GPM6B: variants seen among roughly 807,000 people sequenced by gnomAD.
GPM6B encodes neuronal membrane glycoprotein M6-b.
In GPM6B, 4 loss-of-function variants were observed where a neutral mutation model predicts 27.2. The ratio of observed to expected loss-of-function variants is 0.15; its 90% confidence interval spans 0.07 to 0.34. The LOEUF is 0.34. GPM6B is among the 10% of genes least tolerant of loss of function. GPM6B has a pLI of 1.00. For synonymous variants in GPM6B, 124 were observed against 103.1 expected (o/e 1.20, Z -1.23); for missense variants, 183 against 261.9 (o/e 0.70, Z 2.08).
intron 1 of GPM6B, among the ~76,000 whole-genome samples, chrX:13,926,213 C>T (rs1004028097): frequency 9.3e-6 from 1 of 107,361 alleles, no homozygotes; most frequent in Non-Finnish European, 1.9e-5. Flanking sequence ...ACCATCCTGG[C>T]TAACGCGGTG....
rs76875109 is a variant in GPM6B at position 13,801,038 on chromosome X, TA to T, written c.181+6611del. On this transcript the variant is annotated intron_variant, in intron 2 of 7. Transcript: ENST00000316715. ...ATTCAGGGCATTGGAACCTCATACTTAAAAAAAAAAAAAAAGAAAGAAATGA... is the reference window on the plus strand; with the variant it reads ...ATTCAGGGCATTGGAACCTCATACTTAAAAAAAAAAAAAAGAAAGAAATGA... 3.2e-3 allele frequency among the ~76,000 whole-genome samples: 297 copies of T among 93,840 alleles called. 2 individuals are homozygous for T. Among genetic ancestry groups the T allele is most frequent in the Middle Eastern group, 0.01 (2 of 193 alleles). 81.5% of individuals were successfully genotyped at this position (93,840 alleles called of 115,157 possible).
At chrX:13,838,714 G>A (rs1603066531) in intron 1 of GPM6B, among the ~76,000 whole-genome samples, 1 of 111,666 alleles carries the variant, frequency 9.0e-6, no homozygotes, top group Non-Finnish European at 1.9e-5. Flanking sequence ...GGGAGGAAGG[G>A]GAGGCAGCTG....
upstream of GPM6B, among the ~76,000 whole-genome samples, chrX:13,817,647 C>A (rs371610472): frequency 2.7e-5 from 3 of 112,448 alleles, no homozygotes; most frequent in East Asian, 8.3e-4. Flanking sequence ...GTCTTTCATA[C>A]AATTTCTAGA....
At chrX:13,812,321 G>A (rs1322174766) in intron 1 of GPM6B, among the ~76,000 whole-genome samples, 1 of 110,124 alleles carries the variant, frequency 9.1e-6, no homozygotes, top group Non-Finnish European at 1.9e-5. Flanking sequence ...CCAAAGTGGT[G>A]GGATTACAGG....
intron 1 of GPM6B, among the ~76,000 whole-genome samples, chrX:13,873,977 GT>G (rs2050006265): frequency 9.0e-6 from 1 of 111,336 alleles, no homozygotes; most frequent in Non-Finnish European, 1.9e-5. Flanking sequence ...CAAAAAAACA[GT>G]CATCTTTTCT....
chrX:13,817,218 T>A (rs962943470), upstream of GPM6B: 5 of 856,571 alleles, frequency 5.8e-6, no homozygotes, highest in African/African-American at 8.8e-5. Context: ...CCAGTGGGAG[T>A]TGGGGGTAGG....
chrX:13,880,537 G>A (rs745379110), intron 1 of GPM6B, among the ~76,000 whole-genome samples: 119 of 108,792 alleles, frequency 1.1e-3, no homozygotes, highest in African/African-American at 3.8e-3. Flanking sequence ...TTAGCCGGGC[G>A]TGGTGGTGGG....
chrX:13,857,055 A>G (rs6633394), intron 1 of GPM6B, among the ~76,000 whole-genome samples: 38,972 of 110,026 alleles, frequency 0.35, 6,252 homozygotes, highest in African/African-American at 0.61. Context: ...TCCGATCTTT[A>G]TCTTTCTAAT....
chrX:13,903,820 G>A (rs1477652867), intron 1 of GPM6B, among the ~76,000 whole-genome samples: 1 of 111,968 alleles, frequency 8.9e-6, no homozygotes, highest in Non-Finnish European at 1.9e-5. Context: ...TGGAGCCAGA[G>A]GAACAAAGGA....
rs140636822 is a variant in GPM6B at position 13,777,467 on chromosome X, C to T, written c.698-42G>A. 922 of 915,422 alleles carry T rather than the reference C, an allele frequency of 1.0e-3. 6 individuals carry two copies. In the East Asian group the frequency reaches 0.02, roughly 20 times the overall value. 75.4% of individuals were successfully genotyped at this position (915,422 alleles called of 1,213,427 possible). On this transcript the variant is annotated intron_variant, in intron 5 of 7. Coordinates refer to ENST00000316715, the MANE Select transcript of GPM6B (RefSeq NM_001001995.3). ...AATAGGATGTTAGTACAAACTATAG[C>T]GCCTCATGTTCTTAACAGACCCCAC... is the stretch of plus-strand genomic sequence containing the variant.
At chrX:13,780,034 G>A (rs746887421) in intron 4 of GPM6B, 45 bp from the exon 5 acceptor site, 10 of 1,057,064 alleles carry the variant, frequency 9.5e-6, no homozygotes, top group Non-Finnish European at 1.3e-5. Context: ...GAAACAGGTA[G>A]ATGTGTGTCC....
intron 5 of GPM6B, 83 bp downstream of exon 5, chrX:13,779,735 A>C: frequency 1.4e-6 from 1 of 710,304 alleles, no homozygotes; most frequent in Non-Finnish European, 2.0e-6. Flanking sequence ...AATTAAAAGG[A>C]TGCGCATGTA....
At chrX:13,917,169 T>TGCTACTGC (rs1254884354) in intron 1 of GPM6B, among the ~76,000 whole-genome samples, 2 of 111,991 alleles carry the variant, frequency 1.8e-5, no homozygotes, top group African/African-American at 6.5e-5. Flanking sequence ...CCATAATCAC[T>TGCTACTGC]GCTACTGCAC....
upstream of GPM6B, chrX:13,938,435 C>A: frequency 1.6e-6 from 1 of 621,393 alleles, no homozygotes; most frequent in East Asian, 4.5e-5. Context: ...GCGGGACCCT[C>A]GGAAGGGCGC....
At chrX:13,823,355 G>C (rs1412404439) in intron 1 of GPM6B, among the ~76,000 whole-genome samples, 1 of 112,110 alleles carries the variant, frequency 8.9e-6, no homozygotes, top group Non-Finnish European at 1.9e-5. Context: ...TGGAACCTCT[G>C]TTAGCCAGTC....
intron 1 of GPM6B, among the ~76,000 whole-genome samples, chrX:13,884,201 G>C (rs2050112788): frequency 8.9e-6 from 1 of 112,483 alleles, no homozygotes; most frequent in Non-Finnish European, 1.9e-5. Context: ...ATTTTAAAAA[G>C]TTAATTTCAC....
intron 1 of GPM6B, among the ~76,000 whole-genome samples, chrX:13,931,313 C>G (rs1400355609): frequency 9.1e-6 from 1 of 109,859 alleles, no homozygotes; most frequent in Non-Finnish European, 1.9e-5. Flanking sequence ...ATGGTGAAAC[C>G]CCATCTCTAC....
chrX:13,864,259 C>T (rs1318118111), intron 1 of GPM6B, among the ~76,000 whole-genome samples: 1 of 112,963 alleles, frequency 8.9e-6, no homozygotes, highest in African/African-American at 3.2e-5. Flanking sequence ...CGAAATAGAT[C>T]TGCAGTGTCT....
intron 1 of GPM6B, among the ~76,000 whole-genome samples, chrX:13,869,594 A>G (rs2049954154): frequency 9.0e-6 from 1 of 111,654 alleles, no homozygotes; most frequent in African/African-American, 3.3e-5. Flanking sequence ...TGTCGAACCA[A>G]TGGTCTCCCC....
Sources: gnomAD v4.1 joint callset for allele counts (sites outside exome capture counted in the v4.1 genomes callset) on GRCh38, gnomAD v4.1.1 for gene constraint, MANE v1.5 for transcripts, NCBI Gene and HGNC (gene_info 2026-07-23, HGNC 2026-07-21) for gene names.